GALK2: variants seen among roughly 807,000 people sequenced by gnomAD.
GALK2 encodes the protein galactokinase 2.
In GALK2, 36 loss-of-function variants were observed where a neutral mutation model predicts 52.4. The ratio of observed to expected loss-of-function variants is 0.69; its 90% CI spans 0.53 to 0.91. The LOEUF is 0.91. Ranked by LOEUF, GALK2 falls within the 40% of genes least tolerant of loss-of-function variation. GALK2 has a pLI of 0.00. For synonymous variants in GALK2, 176 were observed against 199.1 expected (o/e 0.88, Z 0.98); for missense variants, 579 against 559.1 (o/e 1.04, Z -0.36).
intron 8 of GALK2, among the ~76,000 whole-genome samples, chr15:49,314,501 A>G: frequency 6.6e-6 from 1 of 152,194 alleles, no homozygotes; most frequent in East Asian, 1.9e-4. Context: ...TATATTCCAT[A>G]TTGTACTTGT....
chr15:49,214,290 C>A (rs12913966), intron 2 of GALK2, among the ~76,000 whole-genome samples: 23,040 of 151,006 alleles, frequency 0.15, 2,238 homozygotes, highest in Non-Finnish European at 0.21. Context: ...AACAAAAAAA[C>A]CCCCCAAAAC....
At chr15:49,161,348 A>G (rs116627958) in intron 1 of GALK2, among the ~76,000 whole-genome samples, 2,636 of 152,338 alleles carry the variant, frequency 0.017, 69 homozygotes, top group African/African-American at 0.061. Context: ...ACAGGTGCTA[A>G]TAAGTGCTAG....
At chr15:49,249,720 T>C (rs1238542716) in intron 5 of GALK2, among the ~76,000 whole-genome samples, 1 of 152,236 alleles carries the variant, frequency 6.6e-6, no homozygotes, top group East Asian at 1.9e-4. Context: ...TTCAAAGAGC[T>C]GTGCTAACAT....
At chr15:49,274,354 G>T (rs2031285662) in intron 5 of GALK2, among the ~76,000 whole-genome samples, 1 of 152,128 alleles carries the variant, frequency 6.6e-6, no homozygotes, top group African/African-American at 2.4e-5. Flanking sequence ...GTAAGTATTT[G>T]TGTAGCTAAA....
intron 3 of GALK2, among the ~76,000 whole-genome samples, chr15:49,360,828 T>G (rs1424471908): frequency 6.6e-6 from 1 of 152,192 alleles, no homozygotes; most frequent in Non-Finnish European, 1.5e-5. Flanking sequence ...TAAATAAATA[T>G]ACATTTAAAA....
chr15:49,215,015 G>C (rs1006309449), intron 2 of GALK2, among the ~76,000 whole-genome samples: 2 of 152,136 alleles, frequency 1.3e-5, no homozygotes, highest in African/African-American at 4.8e-5. Flanking sequence ...TTCAAAAGTT[G>C]TTTTTCTTCA....
At chr15:49,160,625 G>A (rs1330399126) in intron 1 of GALK2, among the ~76,000 whole-genome samples, 1 of 152,110 alleles carries the variant, frequency 6.6e-6, no homozygotes. Context: ...AGCACTTTGG[G>A]AGGCCGAGGT....
intron 3 of GALK2, chr15:49,366,250 A>T: frequency 2.5e-6 from 2 of 786,470 alleles, no homozygotes; most frequent in Non-Finnish European, 4.7e-6. Flanking sequence ...TCATATCTAT[A>T]AAGTCTTTGT....
intron 3 of GALK2, among the ~76,000 whole-genome samples, chr15:49,346,456 C>T (rs575550499): frequency 2.6e-4 from 40 of 152,284 alleles, no homozygotes; most frequent in African/African-American, 9.1e-4. Flanking sequence ...AAAAATATCC[C>T]TAAGCCTTAT....
chr15:49,259,657 C>T (rs1336571328), intron 5 of GALK2, among the ~76,000 whole-genome samples: 1 of 149,846 alleles, frequency 6.7e-6, no homozygotes, highest in Admixed American at 6.7e-5. Flanking sequence ...TATACATGTG[C>T]CATGCTGGTG....
intron 5 of GALK2, among the ~76,000 whole-genome samples, chr15:49,277,485 A>G (rs2031992690): frequency 1.4e-5 from 2 of 142,284 alleles, no homozygotes; most frequent in Middle Eastern, 3.6e-3. Flanking sequence ...GTTTCTTTAT[A>G]TATCATAACC....
intron 3 of GALK2, among the ~76,000 whole-genome samples, chr15:49,221,751 C>T (rs2089811708): frequency 6.6e-6 from 1 of 151,866 alleles, no homozygotes; most frequent in South Asian, 2.1e-4. Context: ...CCCTTCTGTC[C>T]CATTATTACT....
chr15:49,348,109 GCCACAGATCACT>G (rs2041792185), intron 3 of GALK2, among the ~76,000 whole-genome samples: 2 of 151,810 alleles, frequency 1.3e-5, no homozygotes, highest in East Asian at 3.9e-4. Flanking sequence ...TTAATTATGG[GCCACAGATCACT>G]CCCTGATAAG....
chr15:49,334,373 G>C (rs1008345145), downstream of GALK2: 7 of 303,186 alleles, frequency 2.3e-5, no homozygotes, highest in African/African-American at 1.1e-4. Context: ...ACAATTTACT[G>C]ATATACACGT....
At chr15:49,359,830 G>T (rs1365919369) in intron 3 of GALK2, among the ~76,000 whole-genome samples, 2 of 138,804 alleles carry the variant, frequency 1.4e-5, no homozygotes, top group Non-Finnish European at 3.1e-5. Context: ...CAAAGACTTG[G>T]AACCAACCCA....
chr15:49,343,053 G>A (rs1033786033), intron 3 of GALK2, among the ~76,000 whole-genome samples: 9 of 151,970 alleles, frequency 5.9e-5, no homozygotes, highest in Admixed American at 5.2e-4. Context: ...CTTGAATCTG[G>A]TTGTCTACCT....
At chr15:49,298,144 A>G (rs964071585) in intron 8 of GALK2, among the ~76,000 whole-genome samples, 3 of 152,040 alleles carry the variant, frequency 2.0e-5, no homozygotes, top group African/African-American at 7.2e-5. Flanking sequence ...TCCTTGGTTA[A>G]CTATATTCCT....
intron 7 of GALK2, among the ~76,000 whole-genome samples, chr15:49,285,624 G>A (rs2033263085): frequency 6.6e-6 from 1 of 152,112 alleles, no homozygotes; most frequent in Non-Finnish European, 1.5e-5. Context: ...TTACTTGAAT[G>A]AATCATAGAC....
At chr15:49,251,438 T>C (rs775265393) in intron 5 of GALK2, among the ~76,000 whole-genome samples, 2 of 152,064 alleles carry the variant, frequency 1.3e-5, no homozygotes, top group African/African-American at 2.4e-5. Flanking sequence ...GGAAGAGAAA[T>C]GATTAGGTAG....
Sources: gnomAD v4.1 joint callset for allele counts (sites outside exome capture counted in the v4.1 genomes callset) on GRCh38, gnomAD v4.1.1 for gene constraint, MANE v1.5 for transcripts, NCBI Gene and HGNC (gene_info 2026-07-23, HGNC 2026-07-21) for gene names.